Variants in GJD2 observed in about 807,000 individuals in gnomAD.
The protein encoded by GJD2 is gap junction protein delta 2.
GJD2 carries 12 observed loss-of-function variants against 24.3 expected under a neutral mutation model. The observed-to-expected ratio is 0.49, with a 90% CI of 0.32 to 0.80. GJD2 has a LOEUF of 0.80. Among genes scored for constraint, GJD2 ranks in the 30% least tolerant of loss-of-function variants. GJD2 has a pLI of 0.04. For synonymous variants in GJD2, 171 were observed against 155.2 expected, an observed-to-expected ratio of 1.10 and a Z score of -0.76; for missense variants, 268 against 402.4, an observed-to-expected ratio of 0.67 and a Z score of 2.86.
rs1226062988 is a variant in GJD2 at position 34,752,617 on chromosome 15, C to T, written c.827G>A (p.Gly276Glu). 1 of 1,614,224 alleles carries T rather than the reference C, an allele frequency of 6.2e-7. No individual in the cohort carries two copies. The highest frequency in any genetic ancestry group is 8.5e-7 in the Non-Finnish European group (1 of 1,180,048). Residue 276 changes from glycine (G) to glutamate (E), a missense_variant, in exon 2 of 2, where the codon GGA (glycine) becomes GAA (glutamate). Physicochemically the swap from Gly to Glu is moderately conservative, Grantham distance 98 (BLOSUM62 -2). Transcript: ENST00000290374. ...CACAGCCAGCTTGATCTTGCGCCAT[C>T]CCAGGTGGTTGAGTTCAGCCAGGTT... ...VLNLAELNHL[G>E]WRKIKLAVRG...
chr15:34,752,258 A>G lies in GJD2; in HGVS notation c.*220T>C. 1 of 570,578 alleles carries G rather than the reference A, an allele frequency of 1.8e-6. No homozygotes were observed. The highest frequency in any genetic ancestry group is 2.9e-5 in the East Asian group (1 of 34,926). The allele number at this position is 570,578 out of a possible 1,614,324, so 35.3% of individuals were successfully genotyped here. A position where few individuals can be genotyped will look rare whatever the true frequency, so the allele number is the denominator to read the frequency against. On this transcript the variant is annotated 3_prime_UTR_variant, in exon 2 of 2. Transcript: ENST00000290374. ...CAAAGAAGTCTAATTGATCCATTTC[A>G]TCACTCTACCCAATCGTCTCTGTAG...
chr15:34,753,565 G>A (rs1325305277), intron 1 of GJD2, among the ~76,000 whole-genome samples, 193 bp from the exon 2 acceptor site: 1 of 152,134 alleles, frequency 6.6e-6, no homozygotes, highest in South Asian at 2.1e-4. Flanking sequence ...CTGGTAGGCT[G>A]GGAATATTTC....
chr15:34,754,980 G>A lies in GJD2; in HGVS notation c.-492C>T, dbSNP rs915356879. ...CAGGGCCGAGCGCGCGGAGCCGAAT[G>A]CTGGGCTCGGGGATCCGCGGCCGCC... On this transcript the variant is annotated 5_prime_UTR_variant, in exon 1 of 2. Coordinates refer to ENST00000290374, the MANE Select transcript of GJD2 (RefSeq NM_020660.3). This position sits in a 1 kb window ranked among gnomAD's most constrained non-coding sequence, Gnocchi z 5.9. 1.3e-5 allele frequency: 2 copies of A among 153,372 alleles called. No homozygotes were observed. The highest frequency in any genetic ancestry group is 2.4e-5 in the African/African-American group (1 of 41,490). The allele number at this position is 153,372 out of a possible 1,614,324, so 9.5% of individuals were successfully genotyped here.
At position 34,753,306 on chromosome 15, in the gene GJD2, G is replaced by A. The variant is rs36084466; in HGVS notation, c.138C>T (p.Tyr46=). ...ACACAAACATGGTCTGCTCATCATC[G>A]TACACCGTCTCCCCCACAATGGCCA... ...LIVAIVGETV[Y]DDEQTMFVCN... is the part of the protein sequence containing the mutation. Residue 46 remains tyrosine (Y), a synonymous_variant, in exon 2 of 2, where the codon TAC becomes TAT. Coordinates refer to ENST00000290374, the MANE Select transcript of GJD2 (RefSeq NM_020660.3). The A allele has an allele frequency of 2.9e-3, 4,604 of 1,613,054 alleles. 14 individuals carry two copies. The highest frequency in any genetic ancestry group is 3.2e-3 in the Non-Finnish European group (3,792 of 1,179,804).
At position 34,754,847 on chromosome 15, in the gene GJD2, AGCGCCGCTCTCCGC is replaced by A; in HGVS notation, c.-373_-360del. ...CGCTCGCCCGCCCAGGAGAAGTCTC[AGCGCCGCTCTCCGC>A]CGCAGGTTGGGGGCCAGGGGAGGGT... On this transcript the variant is annotated 5_prime_UTR_variant, in exon 1 of 2. Transcript: ENST00000290374. The surrounding 1 kb of genome is among the most constrained non-coding windows in gnomAD (Gnocchi z 5.9). 2 of 219,378 alleles carry A rather than the reference AGCGCCGCTCTCCGC, an allele frequency of 9.1e-6. No homozygotes were observed. The highest frequency in any genetic ancestry group is 1.8e-5 in the Non-Finnish European group (2 of 111,036). The allele number at this position is 219,378 out of a possible 1,614,324, so 13.6% of individuals were successfully genotyped here. A position where few individuals can be genotyped will look rare whatever the true frequency, so the allele number is the denominator to read the frequency against.
Position 34,753,018 on chromosome 15 carries a change from A to G in GJD2, c.426T>C (p.Asp142=). 1.2e-6 allele frequency: 2 copies of G among 1,613,948 alleles called. No individual in the cohort carries two copies. Among genetic ancestry groups the G allele is most frequent in the Non-Finnish European group, 1.7e-6 (2 of 1,180,008 alleles). The change falls in exon 2 of 2, where the codon GAT becomes GAC. Residue 142 remains aspartate (D), a synonymous_variant. Transcript: ENST00000290374. ...GGGSGGGKRE[D]KKLQNAIVNG... ...TCACAATAGCATTTTGCAACTTCTT[A>G]TCTTCTCGTTTGCCCCCACCACTGC...
chr15:34,754,299 G>T lies in GJD2; in HGVS notation c.71+119C>A, dbSNP rs549973436. On this transcript the variant is annotated intron_variant, in intron 1 of 1. Transcript: ENST00000290374. This position sits in a 1 kb window ranked among gnomAD's most constrained non-coding sequence, Gnocchi z 5.9. The stretch of plus-strand genomic sequence containing the variant: ...GAACACCGGAGCCTTGACCTAGGAC[G>T]ATGGGGAGGAGGCAGAGGACGGACT... 9.4e-6 allele frequency: 7 copies of T among 741,828 alleles called. No homozygotes were observed. The highest frequency in any genetic ancestry group is 1.7e-5 in the Non-Finnish European group (7 of 419,430). 46.0% of individuals were successfully genotyped at this position (741,828 alleles called of 1,614,324 possible).
Position 34,753,052 on chromosome 15 carries a change from C to G in GJD2, c.392G>C (p.Gly131Ala). Residue 131 changes from glycine (G) to alanine (A), a missense_variant, in exon 2 of 2, where the codon GGG (glycine) becomes GCG (alanine). By Grantham distance (60) the Gly-to-Ala change is moderately conservative. Transcript: ENST00000290374. ...TTTGCCCCCACCACTGCCCCCACCCCCAGTTCCTCCAGGACCTCCTATGGA... is the reference window on the plus strand; with the variant it reads ...TTTGCCCCCACCACTGCCCCCACCCGCAGTTCCTCCAGGACCTCCTATGGA... The part of the protein sequence containing the change: ...PESIGGPGGT[G>A]GGGSGGGKRE... 1 of 1,614,074 alleles carries G rather than the reference C, an allele frequency of 6.2e-7. No homozygotes were observed. The highest frequency in any genetic ancestry group is 8.5e-7 in the Non-Finnish European group (1 of 1,180,022).
At position 34,753,002 on chromosome 15, in the gene GJD2, C is replaced by T. The variant is rs1490753014; in HGVS notation, c.442G>A (p.Ala148Thr). ...GKREDKKLQN[A>T]IVNGVLQNTE... ...TTCTGCAGCACCCCATTCACAATAG[C>T]ATTTTGCAACTTCTTATCTTCTCGT... The change falls in exon 2 of 2, where the codon GCT becomes ACT. Residue 148 changes from alanine (A) to threonine (T), a missense_variant. Coordinates refer to ENST00000290374, the MANE Select transcript of GJD2 (RefSeq NM_020660.3). The T allele has an allele frequency of 6.2e-7, 1 of 1,614,184 alleles. No homozygotes were observed. Among genetic ancestry groups the T allele is most frequent in the Admixed American group, 1.7e-5 (1 of 60,028 alleles).
chr15:34,752,292 A>G lies in GJD2; in HGVS notation c.*186T>C. 1 of 601,674 alleles carries G rather than the reference A, an allele frequency of 1.7e-6. No homozygotes were observed. Among genetic ancestry groups the G allele is most frequent in the Non-Finnish European group, 2.9e-6 (1 of 340,372 alleles). 37.3% of individuals were successfully genotyped at this position (601,674 alleles called of 1,614,324 possible). ...CCCAATCGTCTCTGTAGAACCAATT[A>G]GGTGATATGTGAAAATGGGTCCACT... is the stretch of plus-strand genomic sequence containing the variant. On this transcript the variant is annotated 3_prime_UTR_variant, in exon 2 of 2. Transcript: ENST00000290374.
chr15:34,752,420 G>T lies in GJD2; in HGVS notation c.*58C>A, dbSNP rs1891116452. On this transcript the variant is annotated 3_prime_UTR_variant, in exon 2 of 2. Coordinates refer to ENST00000290374, the MANE Select transcript of GJD2 (RefSeq NM_020660.3). ...TGAGGGTGGATACAGCCACGTCTGAGCAGTCATCTGCCTTGGGGCTCCTTG... is the reference window on the plus strand; with the variant it reads ...TGAGGGTGGATACAGCCACGTCTGATCAGTCATCTGCCTTGGGGCTCCTTG... 5.0e-6 allele frequency: 7 copies of T among 1,407,020 alleles called. No individual in the cohort carries two copies. The Admixed American group carries it at 9.0e-5, about 18-fold the overall frequency. 87.2% of individuals were successfully genotyped at this position (1,407,020 alleles called of 1,614,324 possible). A position where few individuals can be genotyped will look rare whatever the true frequency, so the allele number is the denominator to read the frequency against.
intron 1 of GJD2, 114 bp from the exon 2 acceptor site, chr15:34,753,486 G>C: frequency 1.1e-6 from 1 of 912,780 alleles, no homozygotes; most frequent in Non-Finnish European, 1.6e-6. Context: ...CTGGGGAGCT[G>C]TCCATCCCGG....
chr15:34,754,446 C>T lies in GJD2; in HGVS notation c.43G>A (p.Val15Met), dbSNP rs1891155827. Residue 15 changes from valine to methionine, a missense_variant, in exon 1 of 2, where the codon GTG becomes ATG. Coordinates refer to ENST00000290374, the MANE Select transcript of GJD2 (RefSeq NM_020660.3). This position sits in a 1 kb window ranked among gnomAD's most constrained non-coding sequence, Gnocchi z 5.9. ...TILERLLEAA[V>M]QQHSTMIGRI... is the part of the protein sequence containing the mutation. ...CCGATCATAGTGGAGTGCTGCTGCA[C>T]CGCGGCTTCTAGCAGCCTCTCCAAG... is the stretch of plus-strand genomic sequence containing the variant. 6.8e-6 allele frequency: 11 copies of T among 1,614,030 alleles called. No individual in the cohort carries two copies. The South Asian group carries it at 1.1e-4, about 16-fold the overall frequency.
rs975638445 is a variant in GJD2, at chr15:34,752,377, T to A, written c.*101A>T. 1.9e-5 allele frequency: 18 copies of A among 936,550 alleles called. No individual in the cohort carries two copies. The highest frequency in any genetic ancestry group is 2.5e-5 in the Admixed American group (1 of 39,648). The allele number at this position is 936,550 out of a possible 1,614,324, so 58.0% of individuals were successfully genotyped here. A position where few individuals can be genotyped will look rare whatever the true frequency, so the allele number is the denominator to read the frequency against. On this transcript the variant is annotated 3_prime_UTR_variant, in exon 2 of 2. Coordinates refer to ENST00000290374, the MANE Select transcript of GJD2 (RefSeq NM_020660.3). Reference sequence around the variant, plus strand: ...TATCCAGTCTTATCCTACATCTTAATGGTGAGGGTCACATAAATGAGGGTG... The same window carrying A: ...TATCCAGTCTTATCCTACATCTTAAAGGTGAGGGTCACATAAATGAGGGTG...
At chr15:34,753,891 G>T (rs1891147395) in intron 1 of GJD2, among the ~76,000 whole-genome samples, 1 of 151,940 alleles carries the variant, frequency 6.6e-6, no homozygotes, top group Non-Finnish European at 1.5e-5. Context: ...AAGCTAGGTA[G>T]ATAGAGACAT....
At position 34,754,299 on chromosome 15, in the gene GJD2, G is replaced by A. The variant is rs549973436; in HGVS notation, c.71+119C>T. 1.3e-6 allele frequency: 1 copy of A among 741,828 alleles called. No homozygotes were observed. Among genetic ancestry groups the A allele is most frequent in the Non-Finnish European group, 2.4e-6 (1 of 419,430 alleles). The allele number at this position is 741,828 out of a possible 1,614,324, so 46.0% of individuals were successfully genotyped here. On this transcript the variant is annotated intron_variant, in intron 1 of 1. Coordinates refer to ENST00000290374, the MANE Select transcript of GJD2 (RefSeq NM_020660.3). This position sits in a 1 kb window ranked among gnomAD's most constrained non-coding sequence, Gnocchi z 5.9. Reference sequence around the variant, plus strand: ...GAACACCGGAGCCTTGACCTAGGACGATGGGGAGGAGGCAGAGGACGGACT... The same window carrying A: ...GAACACCGGAGCCTTGACCTAGGACAATGGGGAGGAGGCAGAGGACGGACT...
rs1891154868 is a variant in GJD2 at position 34,754,383 on chromosome 15, AC to A, written c.71+34del. 6.4e-7 allele frequency: 1 copy of A among 1,559,252 alleles called. No individual in the cohort carries two copies. Among genetic ancestry groups the A allele is most frequent in the Non-Finnish European group, 8.8e-7 (1 of 1,131,296 alleles). On this transcript the variant is annotated intron_variant, in intron 1 of 1. Coordinates refer to ENST00000290374, the MANE Select transcript of GJD2 (RefSeq NM_020660.3). This position sits in a 1 kb window ranked among gnomAD's most constrained non-coding sequence, Gnocchi z 5.9. ...AGAAGGGACTCCCGGGGGCCGCCCG[AC>A]GGGGCCCCCTGACCGCCGGCTTGGC...
At position 34,751,045 on chromosome 15, in the gene GJD2, G is replaced by A. The variant is rs1891096356; in HGVS notation, c.*1433C>T. On this transcript the variant is annotated 3_prime_UTR_variant, in exon 2 of 2. Coordinates refer to ENST00000290374, the MANE Select transcript of GJD2 (RefSeq NM_020660.3). ...AGACTCTTCCCATTTTACAAAAAAA[G>A]GCAAGAACTTTATTTTAAACAAATC... 6.6e-6 allele frequency: 1 copy of A among 152,092 alleles called. No individual in the cohort carries two copies. The highest frequency in any genetic ancestry group is 1.5e-5 in the Non-Finnish European group (1 of 68,032). The allele number at this position is 152,092 out of a possible 1,614,324, so 9.4% of individuals were successfully genotyped here.
At position 34,754,494 on chromosome 15, in the gene GJD2, T is replaced by G. The variant is rs2140414988; in HGVS notation, c.-6A>C. On this transcript the variant is annotated 5_prime_UTR_variant, in exon 1 of 2. Transcript: ENST00000290374. The surrounding 1 kb of genome is among the most constrained non-coding windows in gnomAD (Gnocchi z 5.9). ...AAGATGGTCCATTCCCCCATCGCTG[T>G]GCATCCGGAGGCAGCAGACAAAGAC... is the stretch of plus-strand genomic sequence containing the variant. 1 of 1,613,118 alleles carries G rather than the reference T, an allele frequency of 6.2e-7. No individual in the cohort carries two copies. The highest frequency in any genetic ancestry group is 2.2e-5 in the East Asian group (1 of 44,856).
Sources: gnomAD v4.1 joint callset for allele counts (sites outside exome capture counted in the v4.1 genomes callset) on GRCh38, gnomAD v4.1.1 for gene constraint, Gnocchi (gnomAD v3.1) non-coding constraint, MANE v1.5 for transcripts, NCBI Gene and HGNC (gene_info 2026-07-23, HGNC 2026-07-21) for gene names.